GALNTL6: variants seen among roughly 807,000 people sequenced by gnomAD.
GALNTL6 encodes the protein polypeptide N-acetylgalactosaminyltransferase like 6, also known as polypeptide N-acetylgalactosaminyltransferase-like 6.
Under a neutral mutation model 73.7 loss-of-function variants are expected in GALNTL6, and 46 were observed. That is an observed-to-expected ratio of 0.62 (90% confidence interval 0.49 to 0.80). The LOEUF (loss-of-function observed/expected upper bound fraction) is 0.80. GALNTL6 is among the 30% of genes least tolerant of loss of function. The pLI is 0.00. For synonymous variants in GALNTL6, 259 were observed against 263.7 expected (o/e 0.98, Z 0.17); for missense variants, 604 against 755.0 (o/e 0.80, Z 2.34).
At chr4:172,526,146 C>T (rs1168022104) in intron 5 of GALNTL6, among the ~76,000 whole-genome samples, 1 of 152,046 alleles carries the variant, frequency 6.6e-6, no homozygotes, top group Non-Finnish European at 1.5e-5. Flanking sequence ...CTAGTATAAC[C>T]TTAAATGAAT....
intron 5 of GALNTL6, among the ~76,000 whole-genome samples, chr4:172,764,848 T>C (rs1459344810): frequency 6.6e-6 from 1 of 152,246 alleles, no homozygotes; most frequent in Admixed American, 6.5e-5. Context: ...TATAGACTAC[T>C]GAAGGTTAAT....
chr4:172,305,007 C>A (rs561824139), intron 3 of GALNTL6, among the ~76,000 whole-genome samples: 39 of 152,194 alleles, frequency 2.6e-4, no homozygotes, highest in African/African-American at 9.4e-4. Flanking sequence ...AAATATGTTA[C>A]CATATCACAA....
chr4:172,994,894 T>C (rs1201560297), intron 10 of GALNTL6, among the ~76,000 whole-genome samples: 1 of 152,200 alleles, frequency 6.6e-6, no homozygotes, highest in Non-Finnish European at 1.5e-5. Flanking sequence ...TCCTGAATCT[T>C]ACACAGAGCT....
chr4:172,703,324 A>G (rs928420637), intron 5 of GALNTL6, among the ~76,000 whole-genome samples: 4 of 151,986 alleles, frequency 2.6e-5, no homozygotes, highest in African/African-American at 7.2e-5. Flanking sequence ...GATATTACCT[A>G]TGGATTTTTC....
At chr4:172,039,096 A>G (rs779632503) in intron 2 of GALNTL6, among the ~76,000 whole-genome samples, 1 of 152,082 alleles carries the variant, frequency 6.6e-6, no homozygotes, top group Non-Finnish European at 1.5e-5. Context: ...CATGGGTCAT[A>G]TTTCTTTTGT....
At chr4:172,739,081 C>A (rs1294328445) in intron 5 of GALNTL6, among the ~76,000 whole-genome samples, 1 of 152,100 alleles carries the variant, frequency 6.6e-6, no homozygotes, top group Non-Finnish European at 1.5e-5. Flanking sequence ...TGAGGCATAT[C>A]CCACCCCCAC....
chr4:172,926,006 C>A (rs1313872277), intron 8 of GALNTL6, among the ~76,000 whole-genome samples: 1 of 151,998 alleles, frequency 6.6e-6, no homozygotes, highest in East Asian at 1.9e-4. Context: ...TCTTACTTAC[C>A]CATTTGGGCT....
intron 5 of GALNTL6, among the ~76,000 whole-genome samples, chr4:172,594,072 C>G (rs776453055): frequency 5.3e-5 from 8 of 152,068 alleles, no homozygotes; most frequent in Non-Finnish European, 1.0e-4. Flanking sequence ...TTTGGCTGGG[C>G]GCGGTGGCTC....
rs73871866 is a variant in GALNTL6, at chr4:172,827,707, C to T, written c.923+13984C>T. 5.9e-3 allele frequency among the ~76,000 whole-genome samples: 896 copies of T among 152,230 alleles called. 10 individuals carry two copies. The highest frequency in any genetic ancestry group is 0.021 in the African/African-American group (865 of 41,540). ...ATACTATGTTATTTTGAAAGCCAAG[C>T]TGAGCAGTGACTTTCCTATTCTTGG... is the stretch of plus-strand genomic sequence containing the variant. On this transcript the variant is annotated intron_variant, in intron 7 of 12. Coordinates refer to ENST00000506823, the MANE Select transcript of GALNTL6 (RefSeq NM_001034845.3).
At chr4:173,033,177 T>G (rs1166736871) in intron 12 of GALNTL6, among the ~76,000 whole-genome samples, 1 of 152,012 alleles carries the variant, frequency 6.6e-6, no homozygotes, top group Non-Finnish European at 1.5e-5. Context: ...ACTTTAGTGT[T>G]TTTTAGTAGA....
intron 5 of GALNTL6, among the ~76,000 whole-genome samples, chr4:172,550,296 T>G (rs1179294920): frequency 6.6e-6 from 1 of 152,200 alleles, no homozygotes; most frequent in African/African-American, 2.4e-5. Flanking sequence ...GAGTTCCCGC[T>G]TTCTCATACC....
intron 5 of GALNTL6, among the ~76,000 whole-genome samples, chr4:172,615,792 T>A (rs1738705931): frequency 6.6e-6 from 1 of 152,162 alleles, no homozygotes; most frequent in African/African-American, 2.4e-5. Flanking sequence ...TCAAATTCAT[T>A]TTTGCAGACC....
At chr4:171,985,740 TTA>T (rs144030359) in intron 2 of GALNTL6, among the ~76,000 whole-genome samples, 78 of 147,904 alleles carry the variant, frequency 5.3e-4, no homozygotes, top group Admixed American at 1.0e-3. Context: ...CTCTATAAAA[TTA>T]TATATATATA....
intron 7 of GALNTL6, among the ~76,000 whole-genome samples, chr4:172,861,613 C>T (rs1439011973): frequency 6.6e-6 from 1 of 152,194 alleles, no homozygotes; most frequent in East Asian, 1.9e-4. Context: ...TCCCCACCCA[C>T]ATCTTATCTT....
At chr4:172,888,998 C>T (rs534669477) in intron 8 of GALNTL6, among the ~76,000 whole-genome samples, 1 of 151,844 alleles carries the variant, frequency 6.6e-6, no homozygotes, top group Non-Finnish European at 1.5e-5. Flanking sequence ...TGTGGTCCTA[C>T]ATTTGCTTTT....
intron 11 of GALNTL6, among the ~76,000 whole-genome samples, chr4:173,019,175 A>T (rs1752893656): frequency 6.6e-6 from 1 of 152,234 alleles, no homozygotes; most frequent in Non-Finnish European, 1.5e-5. Context: ...ATGACCACCA[A>T]TTAAACCAAA....
At chr4:172,684,034 C>T (rs1732779654) in intron 5 of GALNTL6, among the ~76,000 whole-genome samples, 1 of 152,156 alleles carries the variant, frequency 6.6e-6, no homozygotes, top group Non-Finnish European at 1.5e-5. Flanking sequence ...ACCATAGATG[C>T]ATCTATAAAG....
chr4:172,670,548 A>C (rs1731916908), intron 5 of GALNTL6, among the ~76,000 whole-genome samples: 1 of 152,134 alleles, frequency 6.6e-6, no homozygotes, highest in Non-Finnish European at 1.5e-5. Flanking sequence ...GCTGGATATT[A>C]GACATTTGTC....
intron 7 of GALNTL6, among the ~76,000 whole-genome samples, chr4:172,820,673 A>T (rs1741873793): frequency 6.6e-6 from 1 of 152,162 alleles, no homozygotes; most frequent in Non-Finnish European, 1.5e-5. Context: ...TGGAATATCC[A>T]TTTGGTAGAG....
Sources: gnomAD v4.1 joint callset for allele counts (sites outside exome capture counted in the v4.1 genomes callset) on GRCh38, gnomAD v4.1.1 for gene constraint, MANE v1.5 for transcripts, NCBI Gene and HGNC (gene_info 2026-07-23, HGNC 2026-07-21) for gene names.